The following TRIQK variants were observed in gnomAD, a reference collection of about 807,000 sequenced individuals.
TRIQK encodes the protein triple QxxK/R motif-containing protein.
In TRIQK, 10 loss-of-function variants were observed where a neutral mutation model predicts 10.8. That is an observed-to-expected ratio of 0.92 (90% CI 0.57 to 1.57). TRIQK has a LOEUF of 1.57. TRIQK is among the 40% of genes most tolerant of loss of function. TRIQK has a pLI of 0.00. For missense variants in TRIQK, 107 were observed against 97.7 expected (o/e 1.09, Z -0.40); for synonymous variants, 33 against 33.7 (o/e 0.98, Z 0.07).
intron 1 of TRIQK, among the ~76,000 whole-genome samples, chr8:93,009,565 A>G (rs1392526042): frequency 6.6e-6 from 1 of 151,834 alleles, no homozygotes; most frequent in East Asian, 1.9e-4. Context: ...GCGAGATGAC[A>G]CCACTGCACT....
chr8:92,903,863 A>C (rs181865488), intron 3 of TRIQK, among the ~76,000 whole-genome samples: 6 of 152,250 alleles, frequency 3.9e-5, no homozygotes, highest in African/African-American at 1.4e-4. Flanking sequence ...CAAATAATAA[A>C]CAAACAAAAA....
At chr8:92,946,970 T>A (rs1459405589) in intron 2 of TRIQK, among the ~76,000 whole-genome samples, 1 of 151,748 alleles carries the variant, frequency 6.6e-6, no homozygotes, top group Non-Finnish European at 1.5e-5. Flanking sequence ...TTTCACCGTG[T>A]TAGCCAGGAT....
At chr8:92,993,977 C>T (rs987613133) in intron 1 of TRIQK, among the ~76,000 whole-genome samples, 3 of 152,122 alleles carry the variant, frequency 2.0e-5, no homozygotes, top group African/African-American at 7.2e-5. Context: ...TACACTTCCT[C>T]GGGCAGTTGG....
At chr8:92,896,776 T>A (rs1251539000) in intron 3 of TRIQK, among the ~76,000 whole-genome samples, 1 of 152,118 alleles carries the variant, frequency 6.6e-6, no homozygotes, top group Non-Finnish European at 1.5e-5. Flanking sequence ...GGAATGGGAA[T>A]GTCTGTGGTA....
At chr8:92,999,750 C>A (rs1336420911) in intron 1 of TRIQK, among the ~76,000 whole-genome samples, 2 of 152,036 alleles carry the variant, frequency 1.3e-5, no homozygotes, top group Admixed American at 6.6e-5. Context: ...TTGATAAAGA[C>A]TAATGGTTTT....
chr8:93,002,833 T>A (rs1362551923), intron 1 of TRIQK, among the ~76,000 whole-genome samples: 1 of 151,002 alleles, frequency 6.6e-6, no homozygotes, highest in Non-Finnish European at 1.5e-5. Flanking sequence ...GGCCAGAGAA[T>A]CACTTGAACC....
chr8:92,887,101 G>A (rs930650372), intron 4 of TRIQK, among the ~76,000 whole-genome samples: 1 of 151,350 alleles, frequency 6.6e-6, no homozygotes, highest in Non-Finnish European at 1.5e-5. Flanking sequence ...TTCTATTTGA[G>A]TGTGTTTAAC....
chr8:92,946,891 C>CT (rs892261953), intron 2 of TRIQK, among the ~76,000 whole-genome samples: 12 of 151,798 alleles, frequency 7.9e-5, no homozygotes, highest in African/African-American at 2.9e-4. Context: ...CTCAGAGTAG[C>CT]TGGGACCGCA....
upstream of TRIQK, among the ~76,000 whole-genome samples, chr8:92,969,835 T>C (rs558670920): frequency 1.3e-5 from 2 of 152,116 alleles, no homozygotes; most frequent in Non-Finnish European, 2.9e-5. Flanking sequence ...AATATGTGGG[T>C]TTGTTACACA....
chr8:92,923,468 G>A (rs1035310426), intron 2 of TRIQK, among the ~76,000 whole-genome samples: 1 of 151,808 alleles, frequency 6.6e-6, no homozygotes, highest in Non-Finnish European at 1.5e-5. Context: ...TGCATTCCCT[G>A]AGGAACTAAC....
chr8:92,915,747 C>T (rs985941857), intron 3 of TRIQK, among the ~76,000 whole-genome samples: 4 of 138,172 alleles, frequency 2.9e-5, no homozygotes, highest in Admixed American at 7.8e-5. Context: ...GATCCACCTG[C>T]CTCGGCCTCC....
intron 2 of TRIQK, among the ~76,000 whole-genome samples, chr8:92,933,550 C>T (rs1810837060): frequency 6.6e-6 from 1 of 151,984 alleles, no homozygotes; most frequent in Non-Finnish European, 1.5e-5. Flanking sequence ...TGAAGCTGGC[C>T]ATGGGGTCTG....
intron 3 of TRIQK, among the ~76,000 whole-genome samples, chr8:92,902,821 GA>G (rs1342487491): frequency 4.6e-5 from 7 of 151,642 alleles, no homozygotes; most frequent in Non-Finnish European, 8.8e-5. Context: ...TGTTCCCTTT[GA>G]TTTTTGTTGC....
upstream of TRIQK, among the ~76,000 whole-genome samples, chr8:92,969,978 G>T (rs1812858280): frequency 1.3e-5 from 2 of 152,078 alleles, no homozygotes; most frequent in South Asian, 4.2e-4. Flanking sequence ...TGTGTATGTT[G>T]TTCCCCTCCC....
rs148045255 is a variant in TRIQK at position 92,958,323 on chromosome 8, T to A, written c.-180-3759A>T. On this transcript the variant is annotated intron_variant, in intron 1 of 4. Coordinates refer to ENST00000521988, the MANE Select transcript of TRIQK (RefSeq NM_001171797.2). Reference sequence around the variant, plus strand: ...GGCACCCTTCAAGACCCCATTTCAATCAATTACGTACTTTCTCTGTACAAG... The same window carrying A: ...GGCACCCTTCAAGACCCCATTTCAAACAATTACGTACTTTCTCTGTACAAG... Among the ~76,000 whole-genome samples the A allele has an allele frequency of 7.9e-5, 12 of 152,104 alleles. No individual in the cohort carries two copies. The East Asian group carries it at 2.3e-3, about 29-fold the overall frequency.
intron 2 of TRIQK, among the ~76,000 whole-genome samples, chr8:92,920,243 C>T (rs1586425869): frequency 6.6e-6 from 1 of 151,612 alleles, no homozygotes; most frequent in East Asian, 1.9e-4. Context: ...TATTTCCTAG[C>T]CTCAATTACA....
intron 2 of TRIQK, among the ~76,000 whole-genome samples, chr8:92,951,724 G>A (rs551037055): frequency 1.3e-5 from 2 of 152,180 alleles, no homozygotes; most frequent in East Asian, 3.9e-4. Flanking sequence ...AACAAGATCT[G>A]TCCTCAGGAG....
intron 3 of TRIQK, among the ~76,000 whole-genome samples, chr8:92,904,750 A>G (rs1313235900): frequency 6.6e-6 from 1 of 152,208 alleles, no homozygotes; most frequent in South Asian, 2.1e-4. Context: ...CCCACAGTAT[A>G]TCACAATGAC....
rs2130202741 is a variant in TRIQK at position 92,884,896 on chromosome 8, A to C, written c.*1726T>G. The stretch of plus-strand genomic sequence containing the variant: ...TGACATGTGGCATGTCACTCAGGAA[A>C]GTAAAAGGCCCATCATATCCAAAAT... On this transcript the variant is annotated 3_prime_UTR_variant, in exon 5 of 5. Coordinates refer to ENST00000521988, the MANE Select transcript of TRIQK (RefSeq NM_001171797.2). 2.2e-6 allele frequency: 1 copy of C among 456,156 alleles called. No individual in the cohort carries two copies. Among genetic ancestry groups the C allele is most frequent in the East Asian group, 7.0e-5 (1 of 14,336 alleles). 28.3% of individuals were successfully genotyped at this position (456,156 alleles called of 1,614,324 possible). A position where few individuals can be genotyped will look rare whatever the true frequency, so the allele number is the denominator to read the frequency against.
Sources: allele counts gnomAD v4.1 joint callset (sites outside exome capture counted in the v4.1 genomes callset), GRCh38; gene constraint gnomAD v4.1.1; transcripts MANE v1.5; gene names NCBI Gene and HGNC (gene_info 2026-07-23, HGNC 2026-07-21).